RAB3IP: variants seen among roughly 807,000 people sequenced by gnomAD.
The protein encoded by RAB3IP is rab-3A-interacting protein.
RAB3IP carries 36 observed loss-of-function variants against 59.1 expected under a neutral mutation model. The ratio of observed to expected loss-of-function variants is 0.61; its 90% CI spans 0.47 to 0.80. The LOEUF (loss-of-function observed/expected upper bound fraction) is 0.80. Among genes scored for constraint, RAB3IP ranks in the 30% least tolerant of loss-of-function variants. The pLI, the probability that RAB3IP is intolerant of heterozygous loss-of-function variation, is 0.00. For missense variants in RAB3IP, 511 were observed against 536.0 expected, an observed-to-expected ratio of 0.95 and a Z score of 0.46; for synonymous variants, 207 against 191.2, an observed-to-expected ratio of 1.08 and a Z score of -0.68.
rs1406668343 is a variant in RAB3IP at position 69,794,521 on chromosome 12, T to G, written c.684+7T>G. ...AAAAGAAGCACAAGGAAAAGTGAGT[T>G]TTTGCAGCTCTTAATAGTATAAAAT... On this transcript the variant is annotated splice_region_variant and intron_variant, in intron 5 of 10. Transcript: ENST00000247833. 1.2e-6 allele frequency: 2 copies of G among 1,606,954 alleles called. No homozygotes were observed. Among genetic ancestry groups the G allele is most frequent in the African/African-American group, 2.7e-5 (2 of 74,728 alleles).
chr12:69,806,262 A>G (rs1173165601), intron 8 of RAB3IP, among the ~76,000 whole-genome samples: 1 of 152,160 alleles, frequency 6.6e-6, no homozygotes, highest in Non-Finnish European at 1.5e-5. Flanking sequence ...CATTTCTTCT[A>G]GATTTTCTAG....
chr12:69,770,001 C>T (rs963844613), intron 3 of RAB3IP, among the ~76,000 whole-genome samples: 3 of 152,090 alleles, frequency 2.0e-5, no homozygotes, highest in Admixed American at 1.3e-4. Flanking sequence ...TCAAAAGGAT[C>T]TCACTGTGAT....
intron 1 of RAB3IP, among the ~76,000 whole-genome samples, chr12:69,746,397 AT>A (rs772177094): frequency 9.1e-4 from 139 of 152,204 alleles, no homozygotes; most frequent in Non-Finnish European, 1.1e-3. Flanking sequence ...GTCCTATCCT[AT>A]TCCCCTTGCC....
At chr12:69,806,570 G>GTTT (rs35262716) in intron 8 of RAB3IP, among the ~76,000 whole-genome samples, 2,678 of 68,318 alleles carry the variant, frequency 0.039, 117 homozygotes, top group African/African-American at 0.054. Flanking sequence ...TGCTTCTCTA[G>GTTT]TTTTTTTTTT....
chr12:69,751,919 A>G (rs1230132071), intron 1 of RAB3IP, among the ~76,000 whole-genome samples: 3 of 152,040 alleles, frequency 2.0e-5, no homozygotes, highest in Non-Finnish European at 2.9e-5. Flanking sequence ...AGGTACTTAC[A>G]GAAAAAAGTC....
At chr12:69,761,229 C>T (rs1284102378) in intron 3 of RAB3IP, among the ~76,000 whole-genome samples, 3 of 152,186 alleles carry the variant, frequency 2.0e-5, no homozygotes, top group Non-Finnish European at 4.4e-5. Context: ...TAGTTTTCAT[C>T]TCTGAAAGTT....
rs1262387383 is a variant in RAB3IP at position 69,822,977 on chromosome 12, C to A, written c.*7531C>A. 1 of 152,024 alleles carries A rather than the reference C, an allele frequency of 6.6e-6. No homozygotes were observed. The highest frequency in any genetic ancestry group is 1.9e-4 in the East Asian group (1 of 5,196). The allele number at this position is 152,024 out of a possible 1,614,324, so 9.4% of individuals were successfully genotyped here. On this transcript the variant is annotated 3_prime_UTR_variant, in exon 11 of 11. Transcript: ENST00000247833. ...TATATCCTGTACCACTGTAGGATGA[C>A]TGTAGTTAACAATAATGTGTAGTTT...
intron 3 of RAB3IP, among the ~76,000 whole-genome samples, chr12:69,762,889 C>T (rs1727944937): frequency 1.3e-5 from 2 of 151,802 alleles, no homozygotes; most frequent in African/African-American, 2.4e-5. Flanking sequence ...CTTGCACTAA[C>T]CCTATTCAGT....
rs1180371271 is a variant in RAB3IP at position 69,807,205 on chromosome 12, GC to G, written c.1130+5486del. On this transcript the variant is annotated intron_variant, in intron 8 of 10. Transcript: ENST00000247833. ...CTCCTCACATCCCAGACAGTGGGCG[GC>G]CAGGCAGAGGCTCTCCTCACCTCTC... Among the ~76,000 whole-genome samples, 5 of 143,606 alleles carry G rather than the reference GC, an allele frequency of 3.5e-5. No individual in the cohort carries two copies. The East Asian group carries it at 1.1e-3, about 31-fold the overall frequency. The allele number at this position is 143,606 out of a possible 152,430, so 94.2% of individuals were successfully genotyped here.
At chr12:69,809,331 C>CA (rs1251134917) in intron 8 of RAB3IP, among the ~76,000 whole-genome samples, 3 of 152,170 alleles carry the variant, frequency 2.0e-5, no homozygotes, top group Non-Finnish European at 4.4e-5. Flanking sequence ...CTGCCCTTAA[C>CA]ATTTTTTCCT....
At position 69,756,282 on chromosome 12, in the gene RAB3IP, A is replaced by T. The variant is rs1701343112; in HGVS notation, c.252-123A>T. 3.2e-6 allele frequency: 3 copies of T among 937,286 alleles called. No individual in the cohort carries two copies. In the South Asian group the frequency reaches 5.0e-5, roughly 16 times the overall value. The allele number at this position is 937,286 out of a possible 1,614,324, so 58.1% of individuals were successfully genotyped here. A position where few individuals can be genotyped will look rare whatever the true frequency, so the allele number is the denominator to read the frequency against. On this transcript the variant is annotated intron_variant, in intron 2 of 10. Transcript: ENST00000247833. ...AAATGTGGCTGATATGACTGAGGAC[A>T]TACTATTTATTTAAATATAGAAGCT...
chr12:69,787,689 C>T (rs1352934900), intron 4 of RAB3IP, among the ~76,000 whole-genome samples: 1 of 152,102 alleles, frequency 6.6e-6, no homozygotes, highest in African/African-American at 2.4e-5. Context: ...GAGCACATTG[C>T]CTTCCAAGCC....
chr12:69,782,697 G>A (rs1163107379), intron 3 of RAB3IP, among the ~76,000 whole-genome samples: 1 of 152,050 alleles, frequency 6.6e-6, no homozygotes, highest in Admixed American at 6.6e-5. Flanking sequence ...TTCCCAATTT[G>A]TGTCTTGTCT....
At chr12:69,783,599 C>T (rs1019314775) in intron 3 of RAB3IP, among the ~76,000 whole-genome samples, 1 of 152,216 alleles carries the variant, frequency 6.6e-6, no homozygotes, top group African/African-American at 2.4e-5. Flanking sequence ...ACTGACTATA[C>T]AGGTTTTTGC....
chr12:69,795,471 G>A lies in RAB3IP; in HGVS notation c.888+127G>A. The A allele has an allele frequency of 5.5e-6, 4 of 727,982 alleles. No homozygotes were observed. The South Asian group carries it at 6.7e-5, about 12-fold the overall frequency. 45.1% of individuals were successfully genotyped at this position (727,982 alleles called of 1,614,324 possible). ...AATAATGCAGTATTAAGATGGGGGA[G>A]GCTTTATCTAGAGCTGGCTGCTTTC... On this transcript the variant is annotated intron_variant, in intron 6 of 10. Coordinates refer to ENST00000247833, the MANE Select transcript of RAB3IP (RefSeq NM_022456.5).
At chr12:69,760,969 A>G (rs1263429203) in intron 3 of RAB3IP, among the ~76,000 whole-genome samples, 2 of 152,142 alleles carry the variant, frequency 1.3e-5, no homozygotes, top group African/African-American at 2.4e-5. Context: ...TTTGGCCTTT[A>G]TATCTTCAAA....
At chr12:69,751,412 T>C (rs1869262098) in intron 1 of RAB3IP, among the ~76,000 whole-genome samples, 1 of 152,212 alleles carries the variant, frequency 6.6e-6, no homozygotes, top group Non-Finnish European at 1.5e-5. Flanking sequence ...GACATGGTAT[T>C]ACTCTGAGTA....
chr12:69,741,342 C>G (rs1239519231), intron 1 of RAB3IP, among the ~76,000 whole-genome samples: 1 of 152,170 alleles, frequency 6.6e-6, no homozygotes, highest in African/African-American at 2.4e-5. Flanking sequence ...GTACAGCTGG[C>G]CAGTGACAGA....
intron 3 of RAB3IP, among the ~76,000 whole-genome samples, chr12:69,768,897 G>A (rs191139361): frequency 6.6e-6 from 1 of 152,108 alleles, no homozygotes; most frequent in Non-Finnish European, 1.5e-5. Flanking sequence ...GACTTCGTAT[G>A]TACCCTGATA....
Sources: gnomAD v4.1 joint callset for allele counts (sites outside exome capture counted in the v4.1 genomes callset) on GRCh38, gnomAD v4.1.1 for gene constraint, MANE v1.5 for transcripts, NCBI Gene and HGNC (gene_info 2026-07-23, HGNC 2026-07-21) for gene names.